HPSE2: variants seen among roughly 807,000 people sequenced by gnomAD.
HPSE2 encodes heparanase 2 (inactive).
Under a neutral mutation model 60.5 loss-of-function variants are expected in HPSE2, and 38 were observed. The ratio of observed to expected loss-of-function variants is 0.63; its 90% CI spans 0.48 to 0.82. The LOEUF is 0.82. Ranked by LOEUF, HPSE2 falls within the 40% of genes least tolerant of loss-of-function variation. HPSE2 has a pLI of 0.00. For missense variants in HPSE2, 713 were observed against 740.4 expected (o/e 0.96, Z 0.43); for synonymous variants, 295 against 293.2 (o/e 1.01, Z -0.06).
At chr10:99,219,093 T>C (rs1424262652) in intron 2 of HPSE2, among the ~76,000 whole-genome samples, 1 of 152,220 alleles carries the variant, frequency 6.6e-6, no homozygotes, top group African/African-American at 2.4e-5. Flanking sequence ...TTATTCACTA[T>C]GGGCCTCCTC....
intron 3 of HPSE2, among the ~76,000 whole-genome samples, chr10:98,872,420 T>G (rs1952758582): frequency 6.6e-6 from 1 of 152,138 alleles, no homozygotes; most frequent in Admixed American, 6.6e-5. Flanking sequence ...GTCAATTTTC[T>G]GTTATCTTCA....
rs7896758 is a variant in HPSE2 at position 98,620,469 on chromosome 10, T to C, written c.1205+133A>G. On this transcript the variant is annotated intron_variant, in intron 8 of 11. Transcript: ENST00000370552. ...ATTGTTGAATGGTTTAAGACACACA[T>C]GAATGAATGAAATGAACTTTCAACG... 0.024 allele frequency: 17,404 copies of C among 714,354 alleles called. 2,126 individuals carry two copies. The African/African-American group carries it at 0.26, about 11-fold the overall frequency. The allele number at this position is 714,354 out of a possible 1,614,324, so 44.3% of individuals were successfully genotyped here. A position where few individuals can be genotyped will look rare whatever the true frequency, so the allele number is the denominator to read the frequency against.
At chr10:99,058,064 G>A (rs764372843) in intron 3 of HPSE2, among the ~76,000 whole-genome samples, 1 of 152,192 alleles carries the variant, frequency 6.6e-6, no homozygotes, top group Non-Finnish European at 1.5e-5. Context: ...GTCAGACAAG[G>A]CAAAGAGAAG....
intron 3 of HPSE2, among the ~76,000 whole-genome samples, chr10:98,925,900 GA>G (rs1954445102): frequency 6.6e-6 from 1 of 152,078 alleles, no homozygotes; most frequent in Non-Finnish European, 1.5e-5. Flanking sequence ...AAGACAAGAA[GA>G]AAACCCAGGG....
intron 9 of HPSE2, among the ~76,000 whole-genome samples, chr10:98,512,812 A>AACACACACACACCCAC (rs1942459002): frequency 8.0e-6 from 1 of 124,546 alleles, no homozygotes. Context: ...CCCACCCCCC[A>AACACACACACACCCAC]ACACACACAC....
Position 98,937,073 on chromosome 10 carries a change from C to T in HPSE2, c.611-193017G>A, listed in dbSNP as rs542515094. Among the ~76,000 whole-genome samples, 34 of 137,892 alleles carry T rather than the reference C, an allele frequency of 2.5e-4. 1 individual carries two copies. The highest frequency in any genetic ancestry group is 4.4e-4 in the Non-Finnish European group (29 of 65,980). The allele number at this position is 137,892 out of a possible 152,430, so 90.5% of individuals were successfully genotyped here. A position where few individuals can be genotyped will look rare whatever the true frequency, so the allele number is the denominator to read the frequency against. On this transcript the variant is annotated intron_variant, in intron 3 of 11. Coordinates refer to ENST00000370552, the MANE Select transcript of HPSE2 (RefSeq NM_021828.5). ...CCTCCTCTACAACAATATACAATAA[C>T]GTTTTAAAAATAATTACCTGTGACA...
At chr10:98,861,248 T>C (rs1450610180) in intron 3 of HPSE2, among the ~76,000 whole-genome samples, 1 of 152,194 alleles carries the variant, frequency 6.6e-6, no homozygotes, top group Non-Finnish European at 1.5e-5. Context: ...ATCTTGTTTA[T>C]ACAAGATCAA....
At chr10:99,047,020 C>G (rs1049956073) in intron 3 of HPSE2, among the ~76,000 whole-genome samples, 2 of 152,042 alleles carry the variant, frequency 1.3e-5, no homozygotes, top group Non-Finnish European at 2.9e-5. Flanking sequence ...CAAAGCAATC[C>G]TAAGCACAAA....
chr10:98,826,701 T>C (rs1272334993), intron 3 of HPSE2, among the ~76,000 whole-genome samples: 1 of 152,170 alleles, frequency 6.6e-6, no homozygotes. Flanking sequence ...ATGAGGCCCC[T>C]AGGCTTCAGC....
chr10:98,604,964 C>T (rs1945534998), intron 9 of HPSE2, among the ~76,000 whole-genome samples: 2 of 152,188 alleles, frequency 1.3e-5, no homozygotes, highest in Non-Finnish European at 2.9e-5. Context: ...ATCCCAAGGC[C>T]TTCCTGCCTT....
chr10:98,564,354 A>T (rs1012213703), intron 9 of HPSE2, among the ~76,000 whole-genome samples: 3 of 152,232 alleles, frequency 2.0e-5, no homozygotes, highest in Non-Finnish European at 1.5e-5. Flanking sequence ...TAATAGTAGT[A>T]CTAAATTTAT....
At chr10:98,919,152 T>A (rs555365730) in intron 3 of HPSE2, among the ~76,000 whole-genome samples, 1 of 152,266 alleles carries the variant, frequency 6.6e-6, no homozygotes, top group South Asian at 2.1e-4. Context: ...TCAAACTAAA[T>A]ACCTGACCAG....
intron 3 of HPSE2, among the ~76,000 whole-genome samples, chr10:98,922,684 G>A (rs939249611): frequency 6.6e-6 from 1 of 152,030 alleles, no homozygotes; most frequent in Non-Finnish European, 1.5e-5. Flanking sequence ...ATAAATACAT[G>A]GTATAATATA....
chr10:98,774,625 T>C (rs1316311681), intron 3 of HPSE2, among the ~76,000 whole-genome samples: 1 of 152,122 alleles, frequency 6.6e-6, no homozygotes, highest in Admixed American at 6.6e-5. Context: ...GGGTGAGGCA[T>C]GGGGCTGCTC....
At chr10:98,923,588 C>T (rs1026881816) in intron 3 of HPSE2, among the ~76,000 whole-genome samples, 11 of 151,826 alleles carry the variant, frequency 7.2e-5, no homozygotes, top group Admixed American at 7.2e-4. Context: ...CTTTTTTATT[C>T]TTTTTCCCTT....
intron 3 of HPSE2, among the ~76,000 whole-genome samples, chr10:99,132,256 A>C (rs1845469715): frequency 6.8e-6 from 1 of 147,716 alleles, no homozygotes. Flanking sequence ...AGAAAGAAAG[A>C]AAGAAAGAAA....
intron 7 of HPSE2, among the ~76,000 whole-genome samples, chr10:98,626,875 G>A (rs988678955): frequency 2.6e-5 from 4 of 151,836 alleles, no homozygotes; most frequent in African/African-American, 7.3e-5. Flanking sequence ...CTGGGTTCAC[G>A]CCATTCTCCT....
chr10:99,300,050 G>A, the HPSE2 span, among the ~76,000 whole-genome samples: 2 of 151,158 alleles, frequency 1.3e-5, no homozygotes, highest in African/African-American at 4.9e-5. Flanking sequence ...AAAAGAATTG[G>A]CCAAAAAGCA....
At chr10:98,660,308 T>G (rs1947187900) in intron 6 of HPSE2, among the ~76,000 whole-genome samples, 1 of 152,206 alleles carries the variant, frequency 6.6e-6, no homozygotes, top group Non-Finnish European at 1.5e-5. Context: ...TTTTTCCCTT[T>G]TCCTGTTGTG....
Sources: gnomAD v4.1 joint callset for allele counts (sites outside exome capture counted in the v4.1 genomes callset) on GRCh38, gnomAD v4.1.1 for gene constraint, MANE v1.5 for transcripts, NCBI Gene and HGNC (gene_info 2026-07-23, HGNC 2026-07-21) for gene names.